The following RIF1 variants were observed in gnomAD, a reference collection of about 807,000 sequenced individuals.
The protein encoded by RIF1 is telomere-associated protein RIF1.
Under a neutral mutation model 247.1 loss-of-function variants are expected in RIF1, and 45 were observed. The observed-to-expected ratio is 0.18, with a 90% CI of 0.14 to 0.23. The LOEUF (loss-of-function observed/expected upper bound fraction) is 0.23. Among genes scored for constraint, RIF1 ranks in the 10% least tolerant of loss-of-function variants. The pLI is 1.00. For missense variants in RIF1, 2,967 were observed against 2,862.5 expected (o/e 1.04, Z -0.83); for synonymous variants, 1,087 against 978.8 (o/e 1.11, Z -2.06).
intron 10 of RIF1, among the ~76,000 whole-genome samples, chr2:151,434,523 C>T (rs1690792714): frequency 6.9e-6 from 1 of 145,558 alleles, no homozygotes. Flanking sequence ...TCACTGCAAA[C>T]TCCACCTCCT....
chr2:151,432,364 A>G lies in RIF1; in HGVS notation c.926-713A>G, dbSNP rs551855950. The stretch of plus-strand genomic sequence containing the variant: ...AGCACAGACTGTGTCTTAATTTTAC[A>G]TATCCCCAGTCTTACTCATTTGGCA... On this transcript the variant is annotated intron_variant, in intron 9 of 35. Transcript: ENST00000444746. Among the ~76,000 whole-genome samples the G allele has an allele frequency of 8.5e-5, 13 of 152,292 alleles. No homozygotes were observed. The South Asian group carries it at 2.7e-3, about 32-fold the overall frequency.
chr2:151,469,867 A>G lies in RIF1; in HGVS notation c.7095+3A>G, dbSNP rs769737402. 2.4e-5 allele frequency: 38 copies of G among 1,590,626 alleles called. No individual in the cohort carries two copies. Among genetic ancestry groups the G allele is most frequent in the Non-Finnish European group, 3.1e-5 (36 of 1,169,850 alleles). On this transcript the variant is annotated splice_donor_region_variant and intron_variant, in intron 34 of 35. Transcript: ENST00000444746. ...TCAGAATATATCATGAGCAGCAGGT[A>G]AAAACTTAGATATTAGCTATGATGT...
chr2:151,505,314 T>A (rs541884621), intron 12 of RIF1, among the ~76,000 whole-genome samples: 37 of 152,280 alleles, frequency 2.4e-4, no homozygotes, highest in South Asian at 1.2e-3. Context: ...TGGTTTCTTA[T>A]CTACTTTTGC....
At chr2:151,496,013 G>GAGTA (rs759523124) in intron 10 of RIF1, among the ~76,000 whole-genome samples, 39 of 152,312 alleles carry the variant, frequency 2.6e-4, no homozygotes, top group Admixed American at 1.4e-3. Flanking sequence ...AGTGGATAGA[G>GAGTA]AGTAAGTTTG....
chr2:151,439,069 A>G (rs990284285), intron 14 of RIF1, among the ~76,000 whole-genome samples: 2 of 152,232 alleles, frequency 1.3e-5, no homozygotes, highest in Admixed American at 1.3e-4. Flanking sequence ...TGTGCATTAT[A>G]TGCTGTGTTC....
At chr2:151,493,525 C>A in intron 9 of RIF1, 1 of 916,262 alleles carries the variant, frequency 1.1e-6, no homozygotes, top group Non-Finnish European at 1.6e-6. Flanking sequence ...GGTGTTATGG[C>A]TCATGTTATG....
intron 20 of RIF1, among the ~76,000 whole-genome samples, 154 bp downstream of exon 20, chr2:151,446,729 T>C (rs1693333273): frequency 6.6e-6 from 1 of 152,226 alleles, no homozygotes; most frequent in African/African-American, 2.4e-5. Context: ...TGTAACAGTT[T>C]TGTGTCTTTG....
At chr2:151,511,615 A>G (rs186731051), downstream of RIF1, among the ~76,000 whole-genome samples, 3 of 152,342 alleles carry the variant, frequency 2.0e-5, no homozygotes, top group Admixed American at 2.0e-4. Context: ...CATTGATCAG[A>G]AGACAAGCAC....
rs2153021543 is a variant in RIF1 at position 151,499,341 on chromosome 2, G to C, written c.*514-4G>C. 6.5e-7 allele frequency: 1 copy of C among 1,545,432 alleles called. No homozygotes were observed. Among genetic ancestry groups the C allele is most frequent in the South Asian group, 1.2e-5 (1 of 83,660 alleles). ...ATTGTGTTTGACTCTCTCCATCTCT[G>C]GAGTGATGGGGATTGGAATCCCTTT... On this transcript the variant is annotated splice_region_variant and splice_polypyrimidine_tract_variant and intron_variant and NMD_transcript_variant, in intron 10 of 13. Transcript: ENST00000454583.
At chr2:151,446,640 G>A in intron 20 of RIF1, 65 bp downstream of exon 20, 1 of 1,509,268 alleles carries the variant, frequency 6.6e-7, no homozygotes, top group Non-Finnish European at 9.1e-7. Flanking sequence ...AGTAAATGGA[G>A]ATAATATTTG....
rs1219012029 is a variant in RIF1, at chr2:151,501,465, A to G, written c.*710-1569A>G. On this transcript the variant is annotated intron_variant and NMD_transcript_variant, in intron 11 of 13. Transcript: ENST00000454583. ...ACAGGTAGGGGAGTCCCCTTGCTCA[A>G]GTTCTCTTTGTACAATATCTGTGTG... 1.3e-6 allele frequency: 2 copies of G among 1,527,360 alleles called. No individual in the cohort carries two copies. The highest frequency in any genetic ancestry group is 1.4e-5 in the African/African-American group (1 of 72,176). 94.6% of individuals were successfully genotyped at this position (1,527,360 alleles called of 1,614,324 possible). A position where few individuals can be genotyped will look rare whatever the true frequency, so the allele number is the denominator to read the frequency against.
intron 31 of RIF1, 102 bp downstream of exon 31, chr2:151,468,248 T>C (rs977057639): frequency 1.5e-5 from 18 of 1,164,700 alleles, no homozygotes; most frequent in Non-Finnish European, 2.0e-5. Flanking sequence ...AACTTCTTCC[T>C]TGGTTTAAAA....
intron 9 of RIF1, among the ~76,000 whole-genome samples, chr2:151,487,734 A>G (rs1024915640): frequency 6.6e-6 from 1 of 152,098 alleles, no homozygotes; most frequent in Non-Finnish European, 1.5e-5. Context: ...GTCAAATGGC[A>G]TGTGTGTTTA....
rs79487307 is a variant in RIF1 at position 151,500,754 on chromosome 2, C to T, written c.*709+1214C>T. On this transcript the variant is annotated intron_variant and NMD_transcript_variant, in intron 11 of 13. Transcript: ENST00000454583. ...CTGAGACTACAGGCATGTGCCACCA[C>T]GCTTGGCTAATTTTTTCTATTTTTA... Among the ~76,000 whole-genome samples, 825 of 152,046 alleles carry T rather than the reference C, an allele frequency of 5.4e-3. 36 individuals are homozygous for T. In the East Asian group the frequency reaches 0.11, roughly 21 times the overall value.
At position 151,468,655 on chromosome 2, in the gene RIF1, C is replaced by G; in HGVS notation, c.6840C>G (p.Ala2280=). 1 of 1,613,744 alleles carries G rather than the reference C, an allele frequency of 6.2e-7. No individual in the cohort carries two copies. Among genetic ancestry groups the G allele is most frequent in the Non-Finnish European group, 8.5e-7 (1 of 1,179,682 alleles). The part of the protein sequence containing the change: ...SSKKCLISEM[A]KESIPCPTES... ...TTTATTCTAAGATTTCAGAAATGGC[C>G]AAAGAATCCATACCATGCCCAACAG... The change falls in exon 33 of 36, where the codon GCC becomes GCG. Residue 2280 remains alanine (A), a synonymous_variant. Transcript: ENST00000444746.
intron 3 of RIF1, among the ~76,000 whole-genome samples, chr2:151,412,930 C>T (rs1255940187): frequency 6.6e-6 from 1 of 151,822 alleles, no homozygotes; most frequent in African/African-American, 2.4e-5. Context: ...GTGCTAGTTA[C>T]TTAATATCAG....
chr2:151,419,389 G>A (rs903712038), intron 6 of RIF1, among the ~76,000 whole-genome samples: 66 of 151,984 alleles, frequency 4.3e-4, no homozygotes, highest in African/African-American at 1.5e-3. Flanking sequence ...GCAGTGGTGA[G>A]GTCTTGGCTC....
chr2:151,531,733 C>T, the RIF1 span: 6 of 1,298,016 alleles, frequency 4.6e-6, no homozygotes, highest in Admixed American at 1.9e-5. Flanking sequence ...TAAAATGCCC[C>T]TCCATGTTTG....
intron 25 of RIF1, 109 bp downstream of exon 25, chr2:151,459,019 T>C: frequency 1.6e-6 from 1 of 624,788 alleles, no homozygotes; most frequent in Non-Finnish European, 2.7e-6. Flanking sequence ...ACATAGGCTT[T>C]TTCCACATTG....
Sources: gnomAD v4.1 joint callset for allele counts (sites outside exome capture counted in the v4.1 genomes callset) on GRCh38, gnomAD v4.1.1 for gene constraint, MANE v1.5 for transcripts, NCBI Gene and HGNC (gene_info 2026-07-23, HGNC 2026-07-21) for gene names.